The following SYNE2 variants were observed in gnomAD, a reference collection of about 807,000 sequenced individuals.
SYNE2 encodes the protein nesprin-2.
A neutral mutation model predicts 856.3 loss-of-function variants in SYNE2; 431 were observed. That is an observed-to-expected ratio of 0.50 (90% CI 0.47 to 0.55). The LOEUF (loss-of-function observed/expected upper bound fraction) is 0.55. Ranked by LOEUF, SYNE2 falls within the 20% of genes least tolerant of loss-of-function variation. The pLI is 0.00. For missense variants in SYNE2, 8,129 were observed against 8,023.2 expected (o/e 1.01, Z -0.50); for synonymous variants, 2,923 against 2,872.3 (o/e 1.02, Z -0.56).
At chr14:64,075,905 C>T (rs1283649421) in intron 53 of SYNE2, 40 bp from the exon 54 acceptor site, 9 of 1,610,406 alleles carry the variant, frequency 5.6e-6, no homozygotes, top group African/African-American at 1.3e-5. Flanking sequence ...AAACTTTTCC[C>T]CCAGTCTCGT....
intron 1 of SYNE2, among the ~76,000 whole-genome samples, chr14:63,830,215 G>T (rs1889616426): frequency 6.7e-6 from 1 of 149,998 alleles, no homozygotes. Context: ...TAGTGGCCTA[G>T]GACAGGGAGT....
intron 45 of SYNE2, among the ~76,000 whole-genome samples, chr14:64,038,570 T>C (rs570970637): frequency 1.3e-5 from 2 of 152,224 alleles, no homozygotes; most frequent in South Asian, 2.1e-4. Context: ...CCGAGTGAAC[T>C]AGACTCCGTC....
chr14:63,950,552 G>A (rs2096136179), intron 7 of SYNE2, among the ~76,000 whole-genome samples: 1 of 151,664 alleles, frequency 6.6e-6, no homozygotes, highest in South Asian at 2.1e-4. Flanking sequence ...CGAAACTCTT[G>A]TCACACACAC....
At chr14:63,885,627 G>A (rs1463513067) in intron 1 of SYNE2, among the ~76,000 whole-genome samples, 1 of 152,026 alleles carries the variant, frequency 6.6e-6, no homozygotes, top group Non-Finnish European at 1.5e-5. Context: ...TTTGAGACAG[G>A]GTTTTGCTCT....
rs778528402 is a variant in SYNE2, at chr14:64,070,640, A to G, written c.10432-5A>G. 5.0e-6 allele frequency: 8 copies of G among 1,610,836 alleles called. No homozygotes were observed. The highest frequency in any genetic ancestry group is 1.1e-5 in the South Asian group (1 of 90,402). On this transcript the variant is annotated splice_polypyrimidine_tract_variant and splice_region_variant and intron_variant, in intron 51 of 115. Coordinates refer to ENST00000555002, the MANE Select transcript of SYNE2 (RefSeq NM_182914.3). ...TATTTTAGTTCTTTTTGTTTTTTGA[A>G]TTAGATTGAACGAGAGGCAATTATT...
At chr14:64,142,748 G>A (rs114255234) in intron 82 of SYNE2, among the ~76,000 whole-genome samples, 1 of 152,306 alleles carries the variant, frequency 6.6e-6, no homozygotes, top group African/African-American at 2.4e-5. Context: ...TCTAACAGGT[G>A]TTAATGAAAT....
Position 64,141,298 on chromosome 14 carries a change from A to G in SYNE2, c.14977-43A>G, listed in dbSNP as rs754814001. The G allele has an allele frequency of 6.7e-5, 102 of 1,526,894 alleles. 1 individual carries two copies. In the Middle Eastern group the frequency reaches 1.2e-3, roughly 18 times the overall value. 94.6% of individuals were successfully genotyped at this position (1,526,894 alleles called of 1,614,324 possible). On this transcript the variant is annotated intron_variant, in intron 80 of 115. Coordinates refer to ENST00000555002, the MANE Select transcript of SYNE2 (RefSeq NM_182914.3). ...GTTATTCCGACTCTTACTTTCTGCT[A>G]TATTTAAATTTTAAGTTTCTAAATT... is the stretch of plus-strand genomic sequence containing the variant.
intron 64 of SYNE2, among the ~76,000 whole-genome samples, chr14:64,105,582 C>G (rs2097765769): frequency 6.6e-6 from 1 of 152,196 alleles, no homozygotes; most frequent in African/African-American, 2.4e-5. Flanking sequence ...ATACAACTTG[C>G]AAGTAGAGCA....
At chr14:63,920,075 G>T (rs2095581568) in intron 2 of SYNE2, among the ~76,000 whole-genome samples, 2 of 136,258 alleles carry the variant, frequency 1.5e-5, no homozygotes, top group South Asian at 2.4e-4. Flanking sequence ...TCATTTATTT[G>T]TTCATTCATT....
chr14:63,896,958 A>G (rs750061095), intron 1 of SYNE2, among the ~76,000 whole-genome samples: 3 of 152,158 alleles, frequency 2.0e-5, no homozygotes, highest in Non-Finnish European at 4.4e-5. Context: ...TGTGTTTAAA[A>G]TGTATATAAA....
intron 1 of SYNE2, chr14:63,873,360 C>T (rs928574941): frequency 6.6e-6 from 1 of 151,774 alleles, no homozygotes; most frequent in Admixed American, 6.6e-5. Context: ...AAGGTGTGGA[C>T]TCTACAGTAC....
intron 2 of SYNE2, among the ~76,000 whole-genome samples, chr14:63,919,442 G>A (rs1377833421): frequency 1.3e-5 from 2 of 152,172 alleles, no homozygotes; most frequent in Admixed American, 6.5e-5. Context: ...AAAAGCTCTA[G>A]GATAGAAGCA....
intron 9 of SYNE2, among the ~76,000 whole-genome samples, chr14:63,962,597 G>T (rs2096335242): frequency 6.6e-6 from 1 of 152,012 alleles, no homozygotes; most frequent in African/African-American, 2.4e-5. Flanking sequence ...ATCCCTATTT[G>T]TTGATATACT....
chr14:63,937,278 C>T (rs541379181), intron 2 of SYNE2, among the ~76,000 whole-genome samples: 7 of 152,084 alleles, frequency 4.6e-5, no homozygotes, highest in Non-Finnish European at 7.3e-5. Flanking sequence ...ACAAATGAAG[C>T]GATGGCTGGT....
chr14:63,958,147 C>T (rs1231907994), intron 8 of SYNE2, among the ~76,000 whole-genome samples: 1 of 152,124 alleles, frequency 6.6e-6, no homozygotes. Context: ...ACCCAGTTTC[C>T]CCTATTAACA....
chr14:63,906,545 T>C (rs1704097401), intron 1 of SYNE2, among the ~76,000 whole-genome samples: 1 of 152,166 alleles, frequency 6.6e-6, no homozygotes, highest in East Asian at 1.9e-4. Context: ...TCTTGGGAAA[T>C]TGTGTTTCCA....
intron 49 of SYNE2, 133 bp downstream of exon 49, chr14:64,056,399 G>T: frequency 2.8e-6 from 2 of 714,126 alleles, no homozygotes; most frequent in Non-Finnish European, 4.3e-6. Context: ...ATGCATTAGA[G>T]ATAATTTGGA....
intron 1 of SYNE2, among the ~76,000 whole-genome samples, chr14:63,836,470 C>G (rs912894694): frequency 6.6e-6 from 1 of 152,180 alleles, no homozygotes; most frequent in Admixed American, 6.5e-5. Flanking sequence ...ACTTACCATT[C>G]TTCAGTTTTT....
At chr14:63,889,124 A>G (rs995491785) in intron 1 of SYNE2, among the ~76,000 whole-genome samples, 10 of 149,422 alleles carry the variant, frequency 6.7e-5, no homozygotes, top group Admixed American at 2.0e-4. Context: ...CACTGGTGGC[A>G]TTTGGATGGT....
Sources: gnomAD v4.1 joint callset for allele counts (sites outside exome capture counted in the v4.1 genomes callset) on GRCh38, gnomAD v4.1.1 for gene constraint, MANE v1.5 for transcripts, NCBI Gene and HGNC (gene_info 2026-07-23, HGNC 2026-07-21) for gene names.